Variants in TRPC4AP observed in about 807,000 individuals in gnomAD.
TRPC4AP encodes short transient receptor potential channel 4-associated protein.
Under a neutral mutation model 99.0 loss-of-function variants are expected in TRPC4AP, and 45 were observed. The observed-to-expected ratio is 0.45, with a 90% CI of 0.36 to 0.58. The LOEUF (loss-of-function observed/expected upper bound fraction) is 0.58, where lower values mean the gene tolerates loss of function less well. Among genes scored for constraint, TRPC4AP ranks in the 20% least tolerant of loss-of-function variants. The pLI, the probability that TRPC4AP is intolerant of heterozygous loss-of-function variation, is 0.00. For synonymous variants in TRPC4AP, 408 were observed against 385.8 expected (o/e 1.06, Z -0.67); for missense variants, 879 against 985.3 (o/e 0.89, Z 1.44).
At chr20:35,007,440 C>G (rs2082537584) in intron 14 of TRPC4AP, 110 bp downstream of exon 14, 1 of 1,154,410 alleles carries the variant, frequency 8.7e-7, no homozygotes, top group African/African-American at 1.5e-5. Flanking sequence ...ATTTGGAAGT[C>G]ACGAGATCTG....
chr20:35,085,490 A>G (rs997814047), intron 1 of TRPC4AP, among the ~76,000 whole-genome samples: 2 of 151,850 alleles, frequency 1.3e-5, no homozygotes, highest in Non-Finnish European at 2.9e-5. Flanking sequence ...GCATGCGCCT[A>G]TAGTCCCAGA....
At chr20:35,010,324 G>C in intron 11 of TRPC4AP, 36 bp from the exon 12 acceptor site, 4 of 1,577,000 alleles carry the variant, frequency 2.5e-6, no homozygotes, top group Non-Finnish European at 2.6e-6. Flanking sequence ...TAAAGGACAG[G>C]AACTGGGGCT....
chr20:35,079,144 C>T (rs2084559951), intron 1 of TRPC4AP, among the ~76,000 whole-genome samples: 2 of 152,194 alleles, frequency 1.3e-5, no homozygotes, highest in South Asian at 4.1e-4. Flanking sequence ...TCAGAGAAAG[C>T]AGGCTTCATA....
chr20:35,078,753 T>C (rs897440446), intron 1 of TRPC4AP, among the ~76,000 whole-genome samples: 1 of 152,138 alleles, frequency 6.6e-6, no homozygotes, highest in Non-Finnish European at 1.5e-5. Flanking sequence ...CATTTAAATA[T>C]ACATATAGAT....
At chr20:35,022,633 CTA>C (rs1324305202) in intron 8 of TRPC4AP, among the ~76,000 whole-genome samples, 4 of 152,138 alleles carry the variant, frequency 2.6e-5, no homozygotes, top group East Asian at 1.9e-4. Flanking sequence ...GCAAAGGCCT[CTA>C]TGTGTTATAG....
chr20:35,045,883 A>C (rs2083551279), intron 6 of TRPC4AP, among the ~76,000 whole-genome samples: 1 of 152,136 alleles, frequency 6.6e-6, no homozygotes, highest in Non-Finnish European at 1.5e-5. Flanking sequence ...ATTGTTGCCC[A>C]GGCTGGAACT....
chr20:35,055,092 C>A, intron 4 of TRPC4AP, 61 bp from the exon 5 acceptor site: 1 of 1,469,284 alleles, frequency 6.8e-7, no homozygotes, highest in Non-Finnish European at 9.5e-7. Context: ...ACAACAGTTA[C>A]CACATTTTTT....
chr20:35,035,043 T>G (rs1422538081), intron 8 of TRPC4AP, 80 bp downstream of exon 8: 45 of 1,444,448 alleles, frequency 3.1e-5, no homozygotes, highest in Non-Finnish European at 4.0e-5. Context: ...AAATTAATCC[T>G]TCTTGGAAAG....
chr20:35,092,596 C>A lies in TRPC4AP; in HGVS notation c.168+18G>T. On this transcript the variant is annotated intron_variant, in intron 1 of 18. Transcript: ENST00000252015. ...GCCTGGTCCGCCCCGCCCCGCCCCT[C>A]CTGGTCCAGCCTCGTACCTGCACCG... 6.8e-7 allele frequency: 1 copy of A among 1,477,422 alleles called. No homozygotes were observed. Among genetic ancestry groups the A allele is most frequent in the East Asian group, 2.9e-5 (1 of 34,664 alleles). 91.5% of individuals were successfully genotyped at this position (1,477,422 alleles called of 1,614,324 possible).
Position 35,003,026 on chromosome 20 carries a change from A to G in TRPC4AP, c.*120T>C, listed in dbSNP as rs1302204996. The G allele has an allele frequency of 7.1e-7, 1 of 1,418,434 alleles. No individual in the cohort carries two copies. Among genetic ancestry groups the G allele is most frequent in the Admixed American group, 1.9e-5 (1 of 52,166 alleles). The allele number at this position is 1,418,434 out of a possible 1,614,324, so 87.9% of individuals were successfully genotyped here. A position where few individuals can be genotyped will look rare whatever the true frequency, so the allele number is the denominator to read the frequency against. ...AGGACTTCCCTCCCACCAAGCCTGT[A>G]CCCAAAGACCTGGGGCAGGCAGAGA... On this transcript the variant is annotated 3_prime_UTR_variant, in exon 19 of 19. Coordinates refer to ENST00000252015, the MANE Select transcript of TRPC4AP (RefSeq NM_015638.3).
chr20:35,071,483 C>T lies in TRPC4AP; in HGVS notation c.298-2071G>A, dbSNP rs944419717. ...TGTGTGACGTTCCCCACCCTGTGTC[C>T]AAGTGTTCTCATTGCTCAATTCCCA... On this transcript the variant is annotated intron_variant, in intron 2 of 18. Coordinates refer to ENST00000252015, the MANE Select transcript of TRPC4AP (RefSeq NM_015638.3). Among the ~76,000 whole-genome samples, 3 of 143,186 alleles carry T rather than the reference C, an allele frequency of 2.1e-5. No homozygotes were observed. In the East Asian group the frequency reaches 6.7e-4, roughly 32 times the overall value. 93.9% of individuals were successfully genotyped at this position (143,186 alleles called of 152,430 possible). A position where few individuals can be genotyped will look rare whatever the true frequency, so the allele number is the denominator to read the frequency against.
chr20:35,054,962 G>C lies in TRPC4AP; in HGVS notation c.528+14C>G. ...AGGGGAGATAAACAGAGCCCCAGTG[G>C]CAGGGGTACTTACACAGACACAGGT... On this transcript the variant is annotated intron_variant, in intron 5 of 18. Coordinates refer to ENST00000252015, the MANE Select transcript of TRPC4AP (RefSeq NM_015638.3). The C allele has an allele frequency of 6.2e-7, 1 of 1,608,602 alleles. No individual in the cohort carries two copies. Among genetic ancestry groups the C allele is most frequent in the Non-Finnish European group, 8.5e-7 (1 of 1,175,556 alleles).
intron 5 of TRPC4AP, among the ~76,000 whole-genome samples, chr20:35,050,991 C>G (rs951701937): frequency 8.6e-5 from 13 of 151,398 alleles, no homozygotes; most frequent in African/African-American, 2.9e-4. Context: ...CAGAGTGAAA[C>G]CCTATCTCTA....
intron 1 of TRPC4AP, among the ~76,000 whole-genome samples, chr20:35,091,225 A>T (rs2085055091): frequency 6.6e-6 from 1 of 151,962 alleles, no homozygotes; most frequent in African/African-American, 2.4e-5. Context: ...CCTGGATTCA[A>T]GCGATCTGCC....
intron 8 of TRPC4AP, among the ~76,000 whole-genome samples, chr20:35,028,617 T>C (rs2083088541): frequency 6.6e-6 from 1 of 152,216 alleles, no homozygotes; most frequent in Admixed American, 6.5e-5. Context: ...AGAATGTTCA[T>C]GTGCACTTGA....
intron 15 of TRPC4AP, 109 bp downstream of exon 15, chr20:35,006,326 C>T (rs2082515061): frequency 7.6e-7 from 1 of 1,318,076 alleles, no homozygotes; most frequent in African/African-American, 1.5e-5. Context: ...TGCCCAGACT[C>T]CCCCGTCGTC....
At chr20:35,076,976 C>A (rs1225645226) in intron 2 of TRPC4AP, among the ~76,000 whole-genome samples, 4 of 152,296 alleles carry the variant, frequency 2.6e-5, no homozygotes, top group African/African-American at 9.6e-5. Flanking sequence ...GACACCCCTC[C>A]CCCTGCTTTG....
intron 1 of TRPC4AP, among the ~76,000 whole-genome samples, chr20:35,092,137 A>G (rs1234142027): frequency 6.6e-6 from 1 of 152,234 alleles, no homozygotes; most frequent in Non-Finnish European, 1.5e-5. Flanking sequence ...CAGAATAACA[A>G]TGGGGACCTA....
At chr20:35,045,864 G>T (rs1253152275) in intron 6 of TRPC4AP, among the ~76,000 whole-genome samples, 1 of 151,546 alleles carries the variant, frequency 6.6e-6, no homozygotes, top group Non-Finnish European at 1.5e-5. Flanking sequence ...ATGGAGACAG[G>T]GTCTCACTAT....
Sources: gnomAD v4.1 joint callset for allele counts (sites outside exome capture counted in the v4.1 genomes callset) on GRCh38, gnomAD v4.1.1 for gene constraint, MANE v1.5 for transcripts, NCBI Gene and HGNC (gene_info 2026-07-23, HGNC 2026-07-21) for gene names.